The following PAPPA variants were observed in gnomAD, a reference collection of about 807,000 sequenced individuals.
The protein encoded by PAPPA is pappalysin 1, also known as pappalysin-1.
A neutral mutation model predicts 164.0 loss-of-function variants in PAPPA; 60 were observed. That is an observed-to-expected ratio of 0.37 (90% CI 0.30 to 0.45). The LOEUF is 0.45. PAPPA is among the 20% of genes least tolerant of loss of function. PAPPA has a pLI of 1.00. For missense variants in PAPPA, 1,782 were observed against 2,087.3 expected, an observed-to-expected ratio of 0.85 and a Z score of 2.85; for synonymous variants, 875 against 814.1, an observed-to-expected ratio of 1.07 and a Z score of -1.27.
At chr9:116,162,401 C>T (rs919515814) in intron 1 of PAPPA, among the ~76,000 whole-genome samples, 6 of 152,140 alleles carry the variant, frequency 3.9e-5, no homozygotes, top group Non-Finnish European at 8.8e-5. Context: ...TCTCTCCATC[C>T]CTAACTACCT....
chr9:116,314,060 C>CTTTTTTTTTTTTTTTTTTTTTTTTT (rs57871796), intron 10 of PAPPA, among the ~76,000 whole-genome samples: 4 of 69,698 alleles, frequency 5.7e-5, no homozygotes, highest in South Asian at 4.7e-4. Flanking sequence ...TGCATCGAAT[C>CTTTTTTTTTTTTTTTTTTTTTTTTT]TTTTTTTTTT....
At chr9:116,312,751 T>C (rs975640706) in intron 10 of PAPPA, among the ~76,000 whole-genome samples, 2 of 152,176 alleles carry the variant, frequency 1.3e-5, no homozygotes, top group Non-Finnish European at 1.5e-5. Context: ...ATGTTACCTG[T>C]AGAATGAGAC....
At chr9:116,216,061 A>C (rs1469575802) in intron 4 of PAPPA, among the ~76,000 whole-genome samples, 1 of 152,174 alleles carries the variant, frequency 6.6e-6, no homozygotes, top group African/African-American at 2.4e-5. Flanking sequence ...GACATATTCC[A>C]GATACTCTAC....
intron 1 of PAPPA, among the ~76,000 whole-genome samples, chr9:116,159,079 G>A (rs961379392): frequency 6.6e-5 from 10 of 152,198 alleles, no homozygotes; most frequent in African/African-American, 2.2e-4. Flanking sequence ...CTCAACTGAA[G>A]CCCTGCATGA....
intron 2 of PAPPA, among the ~76,000 whole-genome samples, chr9:116,206,199 T>C (rs1243492469): frequency 1.3e-5 from 2 of 152,194 alleles, no homozygotes; most frequent in Non-Finnish European, 2.9e-5. Flanking sequence ...ATTAGTCAGC[T>C]ACACCTAGAC....
chr9:116,154,548 C>A lies in PAPPA; in HGVS notation c.376C>A (p.Arg126=). Reference sequence around the variant, plus strand: ...CGCGTTCACGCTGCAAGTGTGGCTGCGAGCGGAGGGGGGCCAGAGGTCTCC... The same window carrying A: ...CGCGTTCACGCTGCAAGTGTGGCTGAGAGCGGAGGGGGGCCAGAGGTCTCC... ...RDAFTLQVWL[R]AEGGQRSPAV... The change falls in exon 1 of 22, where the codon CGA becomes AGA. Residue 126 remains arginine (R), a synonymous_variant. Coordinates refer to ENST00000328252, the MANE Select transcript of PAPPA (RefSeq NM_002581.5). The surrounding 1 kb of genome is among the most constrained non-coding windows in gnomAD (Gnocchi z 5.2). 7.1e-7 allele frequency: 1 copy of A among 1,405,002 alleles called. No homozygotes were observed. The allele number at this position is 1,405,002 out of a possible 1,614,324, so 87.0% of individuals were successfully genotyped here.
Position 116,401,853 on chromosome 9 carries a change from A to G in PAPPA, c.*5237A>G, listed in dbSNP as rs1028529958. On this transcript the variant is annotated 3_prime_UTR_variant, in exon 22 of 22. Coordinates refer to ENST00000328252, the MANE Select transcript of PAPPA (RefSeq NM_002581.5). ...GAATTCTTCTGGCCTATTGTAAAAA[A>G]GAAAAAAAAAAAGAAAAAGAAGAAA... is the stretch of plus-strand genomic sequence containing the variant. 1 of 134,940 alleles carries G rather than the reference A, an allele frequency of 7.4e-6. No individual in the cohort carries two copies. The highest frequency in any genetic ancestry group is 1.6e-5 in the Non-Finnish European group (1 of 62,906). 8.4% of individuals were successfully genotyped at this position (134,940 alleles called of 1,614,324 possible).
At chr9:116,318,136 C>T (rs1460877810) in intron 10 of PAPPA, 5 of 152,130 alleles carry the variant, frequency 3.3e-5, no homozygotes, top group African/African-American at 1.2e-4. Context: ...TCCTGCTCTC[C>T]AGAGCCCATT....
At chr9:116,330,226 T>A (rs10435874) in intron 10 of PAPPA, among the ~76,000 whole-genome samples, 1 of 152,140 alleles carries the variant, frequency 6.6e-6, no homozygotes, top group African/African-American at 2.4e-5. Context: ...GGAGAAGTAC[T>A]AATTTGGGAT....
chr9:116,211,994 G>T, intron 4 of PAPPA, 62 bp downstream of exon 4: 1 of 1,460,150 alleles, frequency 6.8e-7, no homozygotes, highest in South Asian at 1.2e-5. Flanking sequence ...TCCAATCCTG[G>T]CTCAGGGGAA....
chr9:116,235,232 C>T lies in PAPPA; in HGVS notation c.2327C>T (p.Pro776Leu). Residue 776 changes from proline to leucine, a missense_variant, in exon 7 of 22, where the codon CCT becomes CTT. By Grantham distance (98) the Pro-to-Leu change is moderately conservative. Coordinates refer to ENST00000328252, the MANE Select transcript of PAPPA (RefSeq NM_002581.5). The part of the protein sequence containing the change: ...VNPHTVPPAC[P>L]EPQGCYLELE... The stretch of plus-strand genomic sequence containing the variant: ...CCACACACGGTTCCTCCAGCCTGCC[C>T]TGAGCCTCAAGGCTGCTACCTCGAG... 6.2e-7 allele frequency: 1 copy of T among 1,614,166 alleles called. No individual in the cohort carries two copies. Among genetic ancestry groups the T allele is most frequent in the East Asian group, 2.2e-5 (1 of 44,874 alleles).
At chr9:116,387,897 A>C (rs1846837339) in intron 21 of PAPPA, among the ~76,000 whole-genome samples, 2 of 152,058 alleles carry the variant, frequency 1.3e-5, no homozygotes. Context: ...TGCTTCATAG[A>C]CCTCCAGGAA....
At chr9:116,297,221 G>A (rs370113561) in intron 9 of PAPPA, among the ~76,000 whole-genome samples, 13 of 152,282 alleles carry the variant, frequency 8.5e-5, no homozygotes, top group African/African-American at 2.6e-4. Context: ...TGTATGTCAG[G>A]TAGAAGACTT....
At chr9:116,390,532 A>G (rs1436366746) in intron 21 of PAPPA, among the ~76,000 whole-genome samples, 1 of 152,078 alleles carries the variant, frequency 6.6e-6, no homozygotes, top group Non-Finnish European at 1.5e-5. Context: ...TGAAGCACTG[A>G]GCCAGTGTAG....
intron 11 of PAPPA, 55 bp downstream of exon 11, chr9:116,331,412 C>G: frequency 9.6e-7 from 1 of 1,041,130 alleles, no homozygotes; most frequent in East Asian, 2.4e-5. Context: ...ACAGAAAACA[C>G]TGACTCCCAT....
At chr9:116,216,425 G>A (rs1844372350) in intron 4 of PAPPA, among the ~76,000 whole-genome samples, 1 of 152,164 alleles carries the variant, frequency 6.6e-6, no homozygotes, top group African/African-American at 2.4e-5. Flanking sequence ...AGCAAACCCA[G>A]GGTACCGTAT....
chr9:116,263,221 G>A (rs1317395648), intron 7 of PAPPA, among the ~76,000 whole-genome samples: 2 of 152,286 alleles, frequency 1.3e-5, no homozygotes, highest in South Asian at 4.1e-4. Flanking sequence ...GATGTTAGTG[G>A]ATAAGAAGGA....
intron 13 of PAPPA, among the ~76,000 whole-genome samples, chr9:116,339,344 A>T (rs1460875830): frequency 1.3e-5 from 2 of 152,086 alleles, no homozygotes; most frequent in African/African-American, 2.4e-5. Flanking sequence ...GGCCAGGCAC[A>T]TACCCTCTCC....
intron 10 of PAPPA, among the ~76,000 whole-genome samples, chr9:116,311,381 C>A (rs1038606613): frequency 6.6e-6 from 1 of 152,164 alleles, no homozygotes; most frequent in African/African-American, 2.4e-5. Flanking sequence ...TAAGAAAAGA[C>A]AAAGCTTGCA....
Sources: gnomAD v4.1 joint callset for allele counts (sites outside exome capture counted in the v4.1 genomes callset) on GRCh38, gnomAD v4.1.1 for gene constraint, Gnocchi (gnomAD v3.1) non-coding constraint, MANE v1.5 for transcripts, NCBI Gene and HGNC (gene_info 2026-07-23, HGNC 2026-07-21) for gene names.